The following PTPN14 variants were observed in gnomAD, a reference collection of about 807,000 sequenced individuals.
PTPN14 encodes the protein tyrosine-protein phosphatase non-receptor type 14.
PTPN14 carries 53 observed loss-of-function variants against 126.8 expected under a neutral mutation model. The ratio of observed to expected loss-of-function variants is 0.42; its 90% CI spans 0.34 to 0.53. The LOEUF is 0.53. PTPN14 is among the 20% of genes least tolerant of loss of function. PTPN14 has a pLI of 0.08. For missense variants in PTPN14, 1,257 were observed against 1,552.9 expected, an observed-to-expected ratio of 0.81 and a Z score of 3.20; for synonymous variants, 630 against 599.3, an observed-to-expected ratio of 1.05 and a Z score of -0.75.
intron 1 of PTPN14, among the ~76,000 whole-genome samples, chr1:214,511,500 TAGAA>T (rs975099162): frequency 6.4e-5 from 9 of 141,278 alleles, no homozygotes; most frequent in South Asian, 4.5e-4. Context: ...AAAAAAAAAA[TAGAA>T]AGAAAAGAAA....
chr1:214,452,412 C>A (rs1173053224), intron 2 of PTPN14, among the ~76,000 whole-genome samples: 1 of 152,206 alleles, frequency 6.6e-6, no homozygotes, highest in Admixed American at 6.5e-5. Flanking sequence ...AAGACAAAAC[C>A]GCCTGCCAAC....
At position 214,408,292 on chromosome 1, in the gene PTPN14, T is replaced by C. The variant is rs577484567; in HGVS notation, c.510+3392A>G. Among the ~76,000 whole-genome samples, 11 of 152,276 alleles carry C rather than the reference T, an allele frequency of 7.2e-5. No individual in the cohort carries two copies. In the South Asian group the frequency reaches 2.3e-3, roughly 32 times the overall value. ...TGAAAGAGTTGACGGAAAAAATAAGTAGTGAATGATCATGATTTCTGAAAC... is the reference window on the plus strand; with the variant it reads ...TGAAAGAGTTGACGGAAAAAATAAGCAGTGAATGATCATGATTTCTGAAAC... On this transcript the variant is annotated intron_variant, in intron 5 of 18. Transcript: ENST00000366956.
chr1:214,492,528 C>T (rs1378444826), intron 1 of PTPN14, among the ~76,000 whole-genome samples: 1 of 152,200 alleles, frequency 6.6e-6, no homozygotes, highest in Middle Eastern at 3.4e-3. Context: ...TTTGTGTATA[C>T]GTTGGGACAT....
rs1159873402 is a variant in PTPN14, at chr1:214,352,030, T to G, written c.*5892A>C. 1 of 152,178 alleles carries G rather than the reference T, an allele frequency of 6.6e-6. No homozygotes were observed. The highest frequency in any genetic ancestry group is 1.5e-5 in the Non-Finnish European group (1 of 68,024). 9.4% of individuals were successfully genotyped at this position (152,178 alleles called of 1,614,324 possible). The stretch of plus-strand genomic sequence containing the variant: ...AGTGTGGCAGAAGGAGCAATGACTT[T>G]CCACACAAATGCTTGTCATATTCAG... On this transcript the variant is annotated 3_prime_UTR_variant, in exon 19 of 19. Coordinates refer to ENST00000366956, the MANE Select transcript of PTPN14 (RefSeq NM_005401.5).
At chr1:214,439,583 C>A (rs1659993072) in intron 3 of PTPN14, among the ~76,000 whole-genome samples, 1 of 152,198 alleles carries the variant, frequency 6.6e-6, no homozygotes, top group South Asian at 2.1e-4. Context: ...GCTGCAAGCA[C>A]AAGATTGACG....
intron 1 of PTPN14, among the ~76,000 whole-genome samples, chr1:214,544,774 G>A (rs1426485066): frequency 6.6e-6 from 1 of 150,734 alleles, no homozygotes; most frequent in African/African-American, 2.4e-5. Context: ...AAAAAAAGAA[G>A]GGAACAGAAG....
rs747450431 is a variant in PTPN14 at position 214,451,835 on chromosome 1, T to C, written c.314A>G (p.Asn105Ser). The change falls in exon 3 of 19, where the codon AAT (asparagine) becomes AGT (serine). Residue 105 changes from asparagine (N) to serine (S), a missense_variant. Physicochemically the swap from Asn to Ser is conservative, Grantham distance 46. Around this residue, in one of 3 missense-constraint regions of PTPN14, gnomAD observed 1,021 missense variants for 1,183.3 expected, o/e 0.86. Coordinates refer to ENST00000366956, the MANE Select transcript of PTPN14 (RefSeq NM_005401.5). The part of the protein sequence containing the change: ...LFFGVMFYVP[N>S]VSWLQQEATR... ...GGCCTCTTGCTGAAGCCATGACACA[T>C]TTGGCACATAGAACATGACTCCAAA... The C allele has an allele frequency of 6.2e-7, 1 of 1,614,182 alleles. No individual in the cohort carries two copies. Among genetic ancestry groups the C allele is most frequent in the East Asian group, 2.2e-5 (1 of 44,884 alleles).
intron 1 of PTPN14, among the ~76,000 whole-genome samples, chr1:214,535,997 AAATTC>A (rs1411140697): frequency 1.3e-5 from 2 of 152,228 alleles, no homozygotes; most frequent in African/African-American, 4.8e-5. Context: ...ATCCTAAAAT[AAATTC>A]AACAGCAAAA....
At position 214,354,667 on chromosome 1, in the gene PTPN14, T is replaced by A. The variant is rs544381661; in HGVS notation, c.*3255A>T. The A allele has an allele frequency of 6.6e-6, 1 of 152,320 alleles. No individual in the cohort carries two copies. The highest frequency in any genetic ancestry group is 1.9e-4 in the East Asian group (1 of 5,188). 9.4% of individuals were successfully genotyped at this position (152,320 alleles called of 1,614,324 possible). A position where few individuals can be genotyped will look rare whatever the true frequency, so the allele number is the denominator to read the frequency against. On this transcript the variant is annotated 3_prime_UTR_variant, in exon 19 of 19. Transcript: ENST00000366956. ...AGGATGAATACCTCGGGTCAATGTA[T>A]CCAAATGAGTGTGGATGAAAGAAAC...
At chr1:214,502,041 G>C (rs927581323) in intron 1 of PTPN14, among the ~76,000 whole-genome samples, 3 of 141,310 alleles carry the variant, frequency 2.1e-5, no homozygotes, top group African/African-American at 5.4e-5. Flanking sequence ...CCTGGGCGAC[G>C]GTGCAAGGCT....
At chr1:214,429,738 T>C (rs1337996665) in intron 3 of PTPN14, among the ~76,000 whole-genome samples, 1 of 152,212 alleles carries the variant, frequency 6.6e-6, no homozygotes, top group Non-Finnish European at 1.5e-5. Context: ...AGAATATTAA[T>C]TATGTAAAAT....
chr1:214,482,950 G>C, intron 1 of PTPN14: 2 of 1,606,540 alleles, frequency 1.2e-6, no homozygotes, highest in South Asian at 1.1e-5. Context: ...GATTTTTCCA[G>C]CTTACTTTGT....
intron 18 of PTPN14, among the ~76,000 whole-genome samples, chr1:214,363,043 A>G (rs1307514825): frequency 6.6e-6 from 1 of 152,244 alleles, no homozygotes; most frequent in Non-Finnish European, 1.5e-5. Context: ...AGAGATTTCT[A>G]GAGACCTCTA....
chr1:214,403,137 C>T (rs1659074686), intron 5 of PTPN14, among the ~76,000 whole-genome samples, 184 bp from the exon 6 acceptor site: 1 of 152,194 alleles, frequency 6.6e-6, no homozygotes. Context: ...ACTGTTATAA[C>T]ACGGCTCTCC....
chr1:214,544,206 G>A (rs1034565142), intron 1 of PTPN14, among the ~76,000 whole-genome samples: 6 of 152,096 alleles, frequency 3.9e-5, no homozygotes, highest in Admixed American at 3.3e-4. Flanking sequence ...TAGGAGGATC[G>A]CTTGAGCCCA....
chr1:214,542,330 G>A (rs927451078), intron 1 of PTPN14, among the ~76,000 whole-genome samples: 1 of 152,226 alleles, frequency 6.6e-6, no homozygotes, highest in Non-Finnish European at 1.5e-5. Flanking sequence ...AGCATAGAAG[G>A]GAGACTGGTG....
chr1:214,430,244 T>C (rs1422529429), intron 3 of PTPN14, among the ~76,000 whole-genome samples: 1 of 152,200 alleles, frequency 6.6e-6, no homozygotes, highest in Non-Finnish European at 1.5e-5. Context: ...TGATGGGAGC[T>C]ACCGCTTTAG....
At chr1:214,495,044 T>C (rs978060072) in intron 1 of PTPN14, among the ~76,000 whole-genome samples, 29 of 152,188 alleles carry the variant, frequency 1.9e-4, no homozygotes, top group African/African-American at 7.0e-4. Flanking sequence ...GAGATGTATT[T>C]TCTCCTCTCT....
At chr1:214,404,221 A>C (rs1466021936) in intron 5 of PTPN14, among the ~76,000 whole-genome samples, 2 of 152,186 alleles carry the variant, frequency 1.3e-5, no homozygotes, top group South Asian at 2.1e-4. Context: ...CACAGACATA[A>C]ATGTATGCTA....
Sources: gnomAD v4.1 joint callset for allele counts (sites outside exome capture counted in the v4.1 genomes callset) on GRCh38, gnomAD v4.1.1 for gene constraint, gnomAD v4.1.1 regional missense constraint, MANE v1.5 for transcripts, NCBI Gene and HGNC (gene_info 2026-07-23, HGNC 2026-07-21) for gene names.